The following PARD3B variants were observed in gnomAD, a reference collection of about 807,000 sequenced individuals.
PARD3B encodes par-3 family cell polarity regulator beta.
A neutral mutation model predicts 130.2 loss-of-function variants in PARD3B; 103 were observed. The ratio of observed to expected loss-of-function variants is 0.79; its 90% CI spans 0.67 to 0.93. PARD3B has a LOEUF of 0.93. Among genes scored for constraint, PARD3B ranks in the 40% least tolerant of loss-of-function variants. The probability of loss-of-function intolerance (pLI) is 0.00; values close to 1 mark genes in which losing one functional copy is unlikely to be tolerated. For synonymous variants in PARD3B, 583 were observed against 553.2 expected, an observed-to-expected ratio of 1.05 and a Z score of -0.76; for missense variants, 1,609 against 1,499.2, an observed-to-expected ratio of 1.07 and a Z score of -1.21.
intron 3 of PARD3B, among the ~76,000 whole-genome samples, chr2:205,026,442 G>T (rs1244298590): frequency 6.6e-6 from 1 of 152,106 alleles, no homozygotes; most frequent in African/African-American, 2.4e-5. Flanking sequence ...ACAGGGTGAT[G>T]ATTTGATCTG....
At chr2:205,528,824 C>T (rs980276881) in intron 21 of PARD3B, among the ~76,000 whole-genome samples, 6 of 150,152 alleles carry the variant, frequency 4.0e-5, no homozygotes, top group South Asian at 2.2e-4. Context: ...GCTAGCCTAA[C>T]GAGGAATGCC....
At chr2:204,893,584 A>G (rs1203543181) in intron 2 of PARD3B, among the ~76,000 whole-genome samples, 1 of 152,248 alleles carries the variant, frequency 6.6e-6, no homozygotes, top group Non-Finnish European at 1.5e-5. Context: ...TCAAATGTGA[A>G]AAGATACAGC....
chr2:205,216,719 G>C (rs2037928962), intron 15 of PARD3B, among the ~76,000 whole-genome samples: 1 of 152,154 alleles, frequency 6.6e-6, no homozygotes, highest in South Asian at 2.1e-4. Flanking sequence ...TGTTTGTTAA[G>C]AGGTTTTAGG....
intron 2 of PARD3B, among the ~76,000 whole-genome samples, chr2:204,693,704 T>G (rs1014395695): frequency 2.6e-5 from 4 of 152,060 alleles, no homozygotes. Context: ...CCAAACTTTC[T>G]CTAAACCCAC....
chr2:205,497,122 T>A (rs1004885980), intron 20 of PARD3B, among the ~76,000 whole-genome samples: 1 of 151,656 alleles, frequency 6.6e-6, no homozygotes, highest in African/African-American at 2.4e-5. Context: ...ACTATCTTTT[T>A]CAAGTGCTCA....
chr2:204,564,672 T>C (rs910344529), intron 1 of PARD3B, among the ~76,000 whole-genome samples: 1 of 152,186 alleles, frequency 6.6e-6, no homozygotes, highest in African/African-American at 2.4e-5. Flanking sequence ...ATACCATTTT[T>C]TTGCAAATCT....
Position 204,803,323 on chromosome 2 carries a change from A to G in PARD3B, c.222+117041A>G, listed in dbSNP as rs78743158. 7.4e-3 allele frequency among the ~76,000 whole-genome samples: 1,129 copies of G among 152,012 alleles called. 11 individuals are homozygous for G. The highest frequency in any genetic ancestry group is 0.026 in the African/African-American group (1,067 of 41,512). On this transcript the variant is annotated intron_variant, in intron 2 of 22. Transcript: ENST00000406610. ...ATATGAAATTAAAAGACATTAATAA[A>G]CAATAGGAAATCATCTGAAGATACA...
chr2:205,049,727 T>C (rs1436177151), intron 4 of PARD3B, among the ~76,000 whole-genome samples: 5 of 152,168 alleles, frequency 3.3e-5, no homozygotes, highest in Admixed American at 1.3e-4. Flanking sequence ...AGACATATTA[T>C]TACTAGCAAA....
intron 18 of PARD3B, among the ~76,000 whole-genome samples, chr2:205,363,832 CTTTTTTTTTTTTTTTT>C (rs59271830): frequency 4.1e-5 from 4 of 97,172 alleles, no homozygotes; most frequent in African/African-American, 1.9e-4. Flanking sequence ...GCCTGACTGA[CTTTTTTTTTTTTTTTT>C]TTTTTTTTTT....
At chr2:205,503,855 A>G (rs2050250980) in intron 21 of PARD3B, among the ~76,000 whole-genome samples, 1 of 151,866 alleles carries the variant, frequency 6.6e-6, no homozygotes, top group African/African-American at 2.4e-5. Context: ...TTCATTGAGC[A>G]GTGGTTTGTA....
chr2:205,411,310 T>A (rs2046589240), intron 19 of PARD3B, among the ~76,000 whole-genome samples: 1 of 152,158 alleles, frequency 6.6e-6, no homozygotes, highest in African/African-American at 2.4e-5. Context: ...GGATATGTAT[T>A]TTGAAATTAT....
chr2:204,616,716 A>G (rs907152332), intron 1 of PARD3B, among the ~76,000 whole-genome samples: 2 of 152,194 alleles, frequency 1.3e-5, no homozygotes, highest in South Asian at 2.1e-4. Flanking sequence ...GGAAGCAACC[A>G]AGGTGTTCCT....
intron 2 of PARD3B, among the ~76,000 whole-genome samples, chr2:204,781,503 C>G (rs1414082093): frequency 6.6e-6 from 1 of 152,116 alleles, no homozygotes; most frequent in African/African-American, 2.4e-5. Flanking sequence ...ATAAAACTAG[C>G]TTTAATGTTG....
intron 18 of PARD3B, among the ~76,000 whole-genome samples, chr2:205,376,206 G>A (rs931084896): frequency 2.0e-5 from 3 of 152,124 alleles, no homozygotes; most frequent in African/African-American, 7.2e-5. Context: ...GGAGGACTGA[G>A]AAACACGAGG....
chr2:205,372,662 T>C (rs2044868374), intron 18 of PARD3B, among the ~76,000 whole-genome samples: 1 of 152,236 alleles, frequency 6.6e-6, no homozygotes, highest in Non-Finnish European at 1.5e-5. Flanking sequence ...TATTTATTTC[T>C]TATCCACACT....
At chr2:204,761,578 G>A (rs2040898316) in intron 2 of PARD3B, among the ~76,000 whole-genome samples, 1 of 143,520 alleles carries the variant, frequency 7.0e-6, no homozygotes, top group African/African-American at 2.5e-5. Context: ...AGGGGAGCTT[G>A]CATTTCTACC....
In PARD3B at chr2:205,440,359, G is replaced by A. The variant is rs1190501881; in HGVS notation, c.2742-11G>A. The A allele has an allele frequency of 1.2e-6, 2 of 1,612,532 alleles. No individual in the cohort carries two copies. The highest frequency in any genetic ancestry group is 1.7e-5 in the Admixed American group (1 of 59,956). On this transcript the variant is annotated splice_polypyrimidine_tract_variant and intron_variant, in intron 19 of 22. Coordinates refer to ENST00000406610, the MANE Select transcript of PARD3B (RefSeq NM_001302769.2). The surrounding 1 kb of genome is among the most constrained non-coding windows in gnomAD (Gnocchi z 4.2). The stretch of plus-strand genomic sequence containing the variant: ...CACATACATCTTTGCTACCTGTACT[G>A]TATTTTTCAGGATTGGAGCAAAACA...
Position 204,954,787 on chromosome 2 carries a change from T to TA in PARD3B, c.223-10365_223-10364insA, listed in dbSNP as rs553083146. Among the ~76,000 whole-genome samples, 194 of 152,318 alleles carry TA rather than the reference T, an allele frequency of 1.3e-3. 2 individuals carry two copies. Among genetic ancestry groups the TA allele is most frequent in the African/African-American group, 4.2e-3 (175 of 41,584 alleles). ...TGTGGTTTGCAAACCCTAAAGATAT[T>TA]CATACAGCTCAAGTATATGCAAAAT... On this transcript the variant is annotated intron_variant, in intron 2 of 22. Transcript: ENST00000406610.
chr2:205,516,201 T>G (rs1227175644), intron 21 of PARD3B, among the ~76,000 whole-genome samples: 1 of 152,182 alleles, frequency 6.6e-6, no homozygotes, highest in East Asian at 1.9e-4. Flanking sequence ...ACCATGGCCC[T>G]GTAGTATAGT....
Sources: allele counts gnomAD v4.1 joint callset (sites outside exome capture counted in the v4.1 genomes callset), GRCh38; gene constraint gnomAD v4.1.1; non-coding constraint Gnocchi (gnomAD v3.1); transcripts MANE v1.5; gene names NCBI Gene and HGNC (gene_info 2026-07-23, HGNC 2026-07-21).